The following LAMA4 variants were observed in gnomAD, a reference collection of about 807,000 sequenced individuals.
LAMA4 encodes laminin subunit alpha 4, also known as laminin subunit alpha-4.
A neutral mutation model predicts 207.1 loss-of-function variants in LAMA4; 127 were observed. The observed-to-expected ratio is 0.61, with a 90% CI of 0.53 to 0.71. The LOEUF (loss-of-function observed/expected upper bound fraction) is 0.71, where lower values mean the gene tolerates loss of function less well. Ranked by LOEUF, LAMA4 falls within the 30% of genes least tolerant of loss-of-function variation. LAMA4 has a pLI of 0.00. For missense variants in LAMA4, 2,093 were observed against 2,246.5 expected, an observed-to-expected ratio of 0.93 and a Z score of 1.38; for synonymous variants, 761 against 816.0, an observed-to-expected ratio of 0.93 and a Z score of 1.15.
intron 2 of LAMA4, among the ~76,000 whole-genome samples, chr6:112,230,146 A>G (rs1554364009): frequency 6.6e-6 from 1 of 152,210 alleles, no homozygotes; most frequent in African/African-American, 2.4e-5. Flanking sequence ...ATGTCCATGT[A>G]TGTCTGTGTT....
intron 31 of LAMA4, among the ~76,000 whole-genome samples, chr6:112,125,020 G>C (rs1484548560): frequency 6.6e-6 from 1 of 152,134 alleles, no homozygotes; most frequent in Non-Finnish European, 1.5e-5. Flanking sequence ...CTCCCAAAGT[G>C]CTGGGATTAC....
At chr6:112,195,705 G>A (rs782613803) in intron 5 of LAMA4, among the ~76,000 whole-genome samples, 2 of 152,076 alleles carry the variant, frequency 1.3e-5, no homozygotes, top group Non-Finnish European at 2.9e-5. Context: ...TGTAGTCTTA[G>A]CATGTTTCTC....
At chr6:112,191,922 A>C in intron 5 of LAMA4, 72 bp from the exon 6 acceptor site, 1 of 1,162,060 alleles carries the variant, frequency 8.6e-7, no homozygotes, top group Non-Finnish European at 1.3e-6. Flanking sequence ...CTTTCCTACA[A>C]AGAAGAAAGA....
chr6:112,140,640 C>T, intron 22 of LAMA4, 120 bp downstream of exon 22: 3 of 862,638 alleles, frequency 3.5e-6, no homozygotes, highest in South Asian at 2.9e-5. Flanking sequence ...GAATTCTACT[C>T]CCCCATGAAC....
rs530656386 is a variant in LAMA4 at position 112,224,088 on chromosome 6, A to C, written c.196-7619T>G. Among the ~76,000 whole-genome samples the C allele has an allele frequency of 4.6e-5, 7 of 152,230 alleles. No individual in the cohort carries two copies. The East Asian group carries it at 1.4e-3, about 29-fold the overall frequency. The stretch of plus-strand genomic sequence containing the variant: ...TCTGGCCATCACACCTGGCCCCATC[A>C]TCTGGCCTTCCTCTCACATACCATG... On this transcript the variant is annotated intron_variant, in intron 2 of 38. Coordinates refer to ENST00000230538, the MANE Select transcript of LAMA4 (RefSeq NM_001105206.3).
chr6:112,248,442 C>T (rs536598218), intron 2 of LAMA4, among the ~76,000 whole-genome samples: 3 of 144,712 alleles, frequency 2.1e-5, no homozygotes, highest in East Asian at 2.0e-4. Context: ...GAGGTTGCAG[C>T]GAGCCAAGAT....
At chr6:112,207,793 G>A (rs1554354964) in intron 3 of LAMA4, among the ~76,000 whole-genome samples, 1 of 151,956 alleles carries the variant, frequency 6.6e-6, no homozygotes, top group East Asian at 1.9e-4. Context: ...CCTTCTGTCT[G>A]GAATGCCATT....
rs150069819 is a variant in LAMA4, at chr6:112,119,299, G to A, written c.4678C>T (p.Arg1560Ter). The change falls in exon 34 of 39, where the codon CGA becomes TGA. Residue 1560 changes from arginine (R) to a stop codon, truncating the protein, a stop_gained. Transcript: ENST00000230538. LOFTEE classifies it high-confidence loss of function. ...ACCAGTCGGCCACTGCTCCTTTCTCGAATAAATATCACCTGGATGAAGAGA... is the reference window on the plus strand; with the variant it reads ...ACCAGTCGGCCACTGCTCCTTTCTCAAATAAATATCACCTGGATGAAGAGA... ...DGLWHDVIFI[R>*]ERSSGRLVID... 6.2e-7 allele frequency: 1 copy of A among 1,613,788 alleles called. No individual in the cohort carries two copies. Among genetic ancestry groups the A allele is most frequent in the Non-Finnish European group, 8.5e-7 (1 of 1,179,864 alleles).
At chr6:112,198,792 C>G (rs1783566323) in intron 5 of LAMA4, among the ~76,000 whole-genome samples, 2 of 152,154 alleles carry the variant, frequency 1.3e-5, no homozygotes, top group East Asian at 3.8e-4. Context: ...CAATGACCAC[C>G]ATGACTCATA....
rs782074953 is a variant in LAMA4 at position 112,136,286 on chromosome 6, C to T, written c.3283-32G>A. The T allele has an allele frequency of 3.2e-6, 5 of 1,568,100 alleles. No homozygotes were observed. In the South Asian group the frequency reaches 4.4e-5, roughly 14 times the overall value. On this transcript the variant is annotated intron_variant, in intron 24 of 38. Transcript: ENST00000230538. ...AGAGAAAGGAATTGTAAGATAGGAA[C>T]ATCTGTTATGCGAGTAGAGTCAGAT...
intron 26 of LAMA4, among the ~76,000 whole-genome samples, chr6:112,134,183 G>A (rs1207485322): frequency 1.3e-5 from 2 of 152,200 alleles, no homozygotes; most frequent in South Asian, 2.1e-4. Context: ...CAATACACAT[G>A]TTCCACCGTT....
chr6:112,211,814 C>G (rs1185830233), intron 3 of LAMA4, among the ~76,000 whole-genome samples: 3 of 152,150 alleles, frequency 2.0e-5, no homozygotes, highest in Non-Finnish European at 4.4e-5. Flanking sequence ...CTCAGTGTGG[C>G]TGGAGGAGAA....
intron 10 of LAMA4, among the ~76,000 whole-genome samples, chr6:112,177,400 G>A (rs889978257): frequency 2.6e-5 from 4 of 152,152 alleles, no homozygotes; most frequent in Admixed American, 1.3e-4. Context: ...AAAAACTATG[G>A]AAATGCAGAT....
intron 2 of LAMA4, among the ~76,000 whole-genome samples, chr6:112,233,943 C>A (rs1583967867): frequency 6.6e-6 from 1 of 152,148 alleles, no homozygotes; most frequent in Non-Finnish European, 1.5e-5. Flanking sequence ...GGACACGCCA[C>A]CCTCTCTCCA....
At chr6:112,161,768 C>T (rs1447462247) in intron 13 of LAMA4, among the ~76,000 whole-genome samples, 1 of 152,106 alleles carries the variant, frequency 6.6e-6, no homozygotes, top group Non-Finnish European at 1.5e-5. Context: ...GTCATAAGGA[C>T]ACCAGCCATT....
rs1554331449 is a variant in LAMA4, at chr6:112,136,151, GC to G, written c.3385del (p.Ala1129LeufsTer21). On this transcript the variant is annotated frameshift_variant, in exon 25 of 39. Transcript: ENST00000230538. LOFTEE classifies it high-confidence loss of function. Reference sequence around the variant, plus strand: ...ATGGTATTTTGCATCATTAATTTGAGCTTTCTTTAACGTATCTTCAAGATGC... The same window carrying G: ...ATGGTATTTTGCATCATTAATTTGAGTTTCTTTAACGTATCTTCAAGATGC... The part of the protein sequence containing the change: ...PVHLEDTLKK[A>X]QINDAKYHEI... 11 of 1,613,208 alleles carry G rather than the reference GC, an allele frequency of 6.8e-6. No individual in the cohort carries two copies. The highest frequency in any genetic ancestry group is 9.3e-6 in the Non-Finnish European group (11 of 1,179,622).
At chr6:112,150,027 T>C (rs78303265) in intron 17 of LAMA4, among the ~76,000 whole-genome samples, 35 of 152,214 alleles carry the variant, frequency 2.3e-4, no homozygotes, top group South Asian at 8.3e-4. Flanking sequence ...TGGTTTCTAT[T>C]TGGTCTCTGG....
chr6:112,186,569 C>T (rs1476574726), intron 8 of LAMA4, among the ~76,000 whole-genome samples: 1 of 152,098 alleles, frequency 6.6e-6, no homozygotes, highest in East Asian at 1.9e-4. Context: ...GTCCCAGGAC[C>T]CCGTGGGGAT....
At chr6:112,137,363 T>TA (rs536160145) in intron 24 of LAMA4, among the ~76,000 whole-genome samples, 1 of 152,146 alleles carries the variant, frequency 6.6e-6, no homozygotes, top group African/African-American at 2.4e-5. Flanking sequence ...TATACTAATT[T>TA]AAAAAAACCT....
Sources: gnomAD v4.1 joint callset for allele counts (sites outside exome capture counted in the v4.1 genomes callset) on GRCh38, gnomAD v4.1.1 for gene constraint, MANE v1.5 for transcripts, NCBI Gene and HGNC (gene_info 2026-07-23, HGNC 2026-07-21) for gene names.